ZNF804A: variants seen among roughly 807,000 people sequenced by gnomAD.
ZNF804A encodes zinc finger protein 804A.
Under a neutral mutation model 16.5 loss-of-function variants are expected in ZNF804A, and 2 were observed. That is an observed-to-expected ratio of 0.12 (90% CI 0.05 to 0.38). ZNF804A has a LOEUF of 0.38. Ranked by LOEUF, ZNF804A falls within the 10% of genes least tolerant of loss-of-function variation. The pLI, the probability that ZNF804A is intolerant of heterozygous loss-of-function variation, is 0.99. For synonymous variants in ZNF804A, 534 were observed against 489.6 expected, an observed-to-expected ratio of 1.09 and a Z score of -1.20; for missense variants, 1,473 against 1,390.7, an observed-to-expected ratio of 1.06 and a Z score of -0.94.
intron 1 of ZNF804A, among the ~76,000 whole-genome samples, chr2:184,687,403 G>C (rs889138538): frequency 6.6e-6 from 1 of 152,190 alleles, no homozygotes; most frequent in Non-Finnish European, 1.5e-5. Context: ...ATTGTGATCA[G>C]TTTAAAAGAT....
intron 1 of ZNF804A, among the ~76,000 whole-genome samples, chr2:184,735,667 G>T (rs1693595396): frequency 6.6e-6 from 1 of 152,154 alleles, no homozygotes; most frequent in African/African-American, 2.4e-5. Context: ...GTAAAAAAAT[G>T]ATGGTATTTG....
chr2:184,774,936 T>C (rs935092754), intron 1 of ZNF804A, among the ~76,000 whole-genome samples: 1 of 151,558 alleles, frequency 6.6e-6, no homozygotes, highest in Admixed American at 6.6e-5. Flanking sequence ...TTTTTCTTAA[T>C]GCTGGATTTT....
At chr2:184,804,890 C>T (rs1423158272) in intron 1 of ZNF804A, among the ~76,000 whole-genome samples, 1 of 152,180 alleles carries the variant, frequency 6.6e-6, no homozygotes, top group East Asian at 1.9e-4. Context: ...TATCTATCTT[C>T]TTTAACTCCA....
chr2:184,755,926 G>T (rs532544471), intron 1 of ZNF804A, among the ~76,000 whole-genome samples: 1 of 152,026 alleles, frequency 6.6e-6, no homozygotes, highest in African/African-American at 2.4e-5. Context: ...TTCATTTAAA[G>T]TCATTATAAG....
intron 2 of ZNF804A, among the ~76,000 whole-genome samples, chr2:184,920,783 A>G (rs569927460): frequency 2.6e-5 from 4 of 152,326 alleles, no homozygotes; most frequent in African/African-American, 4.8e-5. Flanking sequence ...CTGACAGCCA[A>G]TAAGAAGCCC....
chr2:184,637,793 G>A (rs1423358644), intron 1 of ZNF804A, among the ~76,000 whole-genome samples: 2 of 151,890 alleles, frequency 1.3e-5, no homozygotes, highest in African/African-American at 4.8e-5. Context: ...TGTTTTTCTG[G>A]GCCACTGTAG....
intron 2 of ZNF804A, among the ~76,000 whole-genome samples, chr2:184,869,109 A>G (rs1695930996): frequency 6.6e-6 from 1 of 152,004 alleles, no homozygotes; most frequent in South Asian, 2.1e-4. Flanking sequence ...TCAGCTGGGT[A>G]CCTATAATGC....
chr2:184,768,297 T>G (rs1185056791), intron 1 of ZNF804A, among the ~76,000 whole-genome samples: 2 of 152,044 alleles, frequency 1.3e-5, no homozygotes, highest in African/African-American at 4.8e-5. Flanking sequence ...TGAATTTTGG[T>G]ATCTGCAGGG....
At chr2:184,734,365 GTTATT>G (rs1342827461) in intron 1 of ZNF804A, among the ~76,000 whole-genome samples, 1 of 151,958 alleles carries the variant, frequency 6.6e-6, no homozygotes, top group Non-Finnish European at 1.5e-5. Context: ...TGTAAATTGT[GTTATT>G]TTAATTTAGT....
At chr2:184,720,760 CT>C (rs1429225976) in intron 1 of ZNF804A, among the ~76,000 whole-genome samples, 2 of 152,036 alleles carry the variant, frequency 1.3e-5, no homozygotes, top group African/African-American at 4.8e-5. Flanking sequence ...CAAAAAAATT[CT>C]AAAATCTGTA....
chr2:184,742,000 T>G (rs549959053), intron 1 of ZNF804A, among the ~76,000 whole-genome samples: 293 of 152,210 alleles, frequency 1.9e-3, no homozygotes, highest in Non-Finnish European at 3.6e-3. Flanking sequence ...TTAATTTATA[T>G]ATTCAGTCTA....
chr2:184,917,967 A>G (rs947213063), intron 2 of ZNF804A, among the ~76,000 whole-genome samples: 1 of 152,128 alleles, frequency 6.6e-6, no homozygotes, highest in Admixed American at 6.5e-5. Flanking sequence ...CTCAATTGAT[A>G]GTCATTCCTT....
At chr2:184,844,566 A>G (rs1019271083) in intron 1 of ZNF804A, among the ~76,000 whole-genome samples, 4 of 150,638 alleles carry the variant, frequency 2.7e-5, no homozygotes, top group Non-Finnish European at 5.9e-5. Flanking sequence ...TGAGAAGTCT[A>G]TTGTAATTCT....
chr2:184,884,797 T>G (rs1039146735), intron 2 of ZNF804A, among the ~76,000 whole-genome samples: 1 of 152,160 alleles, frequency 6.6e-6, no homozygotes, highest in African/African-American at 2.4e-5. Context: ...TGGCAAAGTT[T>G]TCATGATAAA....
At chr2:184,794,111 G>A (rs899331267) in intron 1 of ZNF804A, among the ~76,000 whole-genome samples, 2 of 152,060 alleles carry the variant, frequency 1.3e-5, no homozygotes, top group African/African-American at 2.4e-5. Flanking sequence ...TGTGTTAAAT[G>A]GTAGTTCTAT....
At chr2:184,640,971 C>T (rs1388252107) in intron 1 of ZNF804A, among the ~76,000 whole-genome samples, 6 of 152,114 alleles carry the variant, frequency 3.9e-5, no homozygotes, top group African/African-American at 1.4e-4. Context: ...TTTATTTACC[C>T]TGATATAGAG....
At chr2:184,817,486 C>A (rs1055742778) in intron 1 of ZNF804A, among the ~76,000 whole-genome samples, 27 of 151,918 alleles carry the variant, frequency 1.8e-4, no homozygotes, top group African/African-American at 6.3e-4. Flanking sequence ...ACTAAAAAAA[C>A]CAGAGTACCT....
At chr2:184,806,732 G>T (rs1694811654) in intron 1 of ZNF804A, among the ~76,000 whole-genome samples, 1 of 151,652 alleles carries the variant, frequency 6.6e-6, no homozygotes, top group Non-Finnish European at 1.5e-5. Context: ...TAGGCTAAAG[G>T]ATTACTTTTA....
chr2:184,840,619 G>A (rs1695421868), intron 1 of ZNF804A, among the ~76,000 whole-genome samples: 3 of 151,920 alleles, frequency 2.0e-5, no homozygotes, highest in South Asian at 2.1e-4. Context: ...TTTAGTAAAA[G>A]CAAAACAAAA....
Sources: gnomAD v4.1 joint callset for allele counts (sites outside exome capture counted in the v4.1 genomes callset) on GRCh38, gnomAD v4.1.1 for gene constraint, MANE v1.5 for transcripts, NCBI Gene and HGNC (gene_info 2026-07-23, HGNC 2026-07-21) for gene names.